The following CHN1 variants were observed in gnomAD, a reference collection of about 807,000 sequenced individuals.
The protein encoded by CHN1 is N-chimaerin.
Under a neutral mutation model 59.5 loss-of-function variants are expected in CHN1, and 37 were observed. The ratio of observed to expected loss-of-function variants is 0.62; its 90% CI spans 0.48 to 0.82. The LOEUF (loss-of-function observed/expected upper bound fraction) is 0.82. CHN1 is among the 40% of genes least tolerant of loss of function. CHN1 has a pLI of 0.00. For synonymous variants in CHN1, 206 were observed against 200.4 expected, an observed-to-expected ratio of 1.03 and a Z score of -0.24; for missense variants, 469 against 571.0, an observed-to-expected ratio of 0.82 and a Z score of 1.82.
chr2:174,986,702 A>G (rs1410157926), intron 1 of CHN1, among the ~76,000 whole-genome samples: 3 of 152,316 alleles, frequency 2.0e-5, no homozygotes, highest in East Asian at 1.9e-4. Context: ...AACGATCCAC[A>G]TATTTTCAAT....
chr2:174,893,321 G>A (rs1232036584), intron 5 of CHN1, among the ~76,000 whole-genome samples: 1 of 152,052 alleles, frequency 6.6e-6, no homozygotes, highest in Non-Finnish European at 1.5e-5. Flanking sequence ...TTTCTATGTA[G>A]TAACAATGAA....
At chr2:174,990,270 A>T (rs759886889) in intron 1 of CHN1, among the ~76,000 whole-genome samples, 27,926 of 114,428 alleles carry the variant, frequency 0.24, 3,479 homozygotes, top group Admixed American at 0.38. Context: ...TGTGAGAGAG[A>T]GAGAGAGAGA....
chr2:174,800,742 A>ATGGCTG (rs1684694533), intron 12 of CHN1, among the ~76,000 whole-genome samples: 1 of 35,460 alleles, frequency 2.8e-5, no homozygotes, highest in African/African-American at 1.9e-4. Flanking sequence ...GTAATAAGCA[A>ATGGCTG]TGGGTAGGCA....
intron 11 of CHN1, among the ~76,000 whole-genome samples, chr2:174,804,026 AG>A (rs1684810807): frequency 6.6e-6 from 1 of 152,226 alleles, no homozygotes; most frequent in African/African-American, 2.4e-5. Flanking sequence ...CTTGCTACTG[AG>A]GGTGACTGAC....
At position 174,952,278 on chromosome 2, in the gene CHN1, T is replaced by C. The variant is rs1690046479; in HGVS notation, c.20-76A>G. On this transcript the variant is annotated intron_variant, in intron 1 of 12. Coordinates refer to ENST00000409900, the MANE Select transcript of CHN1 (RefSeq NM_001822.7). Reference sequence around the variant, plus strand: ...GAGACATTTTAATCATTAACTCATTTAATATATATCTGTTGAGATCTATTT... The same window carrying C: ...GAGACATTTTAATCATTAACTCATTCAATATATATCTGTTGAGATCTATTT... 5.6e-6 allele frequency: 5 copies of C among 889,962 alleles called. 1 individual carries two copies. The Admixed American group carries it at 1.2e-4, about 21-fold the overall frequency. The allele number at this position is 889,962 out of a possible 1,614,324, so 55.1% of individuals were successfully genotyped here. A position where few individuals can be genotyped will look rare whatever the true frequency, so the allele number is the denominator to read the frequency against.
rs1045756431 is a variant in CHN1 at position 174,818,939 on chromosome 2, A to T, written c.712+5495T>A. On this transcript the variant is annotated intron_variant, in intron 8 of 12. Transcript: ENST00000409900. ...ATAACTTTATGTTAATAAGATTTGAAATTATAATCATTATTCTCTCTGAAT... is the reference window on the plus strand; with the variant it reads ...ATAACTTTATGTTAATAAGATTTGATATTATAATCATTATTCTCTCTGAAT... Among the ~76,000 whole-genome samples, 4 of 152,334 alleles carry T rather than the reference A, an allele frequency of 2.6e-5. No homozygotes were observed. The South Asian group carries it at 6.2e-4, about 24-fold the overall frequency.
intron 7 of CHN1, among the ~76,000 whole-genome samples, chr2:174,825,941 G>A (rs972938678): frequency 1.3e-5 from 2 of 152,122 alleles, no homozygotes; most frequent in African/African-American, 4.8e-5. Context: ...ACATTAAAAT[G>A]GAAAATAAAA....
chr2:174,988,248 A>T (rs1047436051), intron 1 of CHN1, among the ~76,000 whole-genome samples: 10 of 151,564 alleles, frequency 6.6e-5, no homozygotes, highest in South Asian at 4.2e-4. Context: ...TCCCAGCTAC[A>T]CGGGAGGCTG....
At chr2:174,886,992 C>T (rs1411668241) in intron 5 of CHN1, among the ~76,000 whole-genome samples, 1 of 152,110 alleles carries the variant, frequency 6.6e-6, no homozygotes, top group Non-Finnish European at 1.5e-5. Flanking sequence ...TGCAGTTTGG[C>T]GTTGTCCTAT....
chr2:174,983,406 A>G (rs1424741142), intron 1 of CHN1, among the ~76,000 whole-genome samples: 2 of 152,164 alleles, frequency 1.3e-5, no homozygotes, highest in Admixed American at 1.3e-4. Flanking sequence ...TTATCTTAAA[A>G]AGTGCTTGCC....
chr2:174,960,998 C>T (rs569425420), intron 1 of CHN1, among the ~76,000 whole-genome samples: 4 of 151,864 alleles, frequency 2.6e-5, no homozygotes, highest in East Asian at 1.9e-4. Flanking sequence ...TCAGGTGGCG[C>T]GTGACTGTAG....
intron 7 of CHN1, among the ~76,000 whole-genome samples, chr2:174,840,886 TA>T (rs1399328468): frequency 6.6e-6 from 1 of 151,990 alleles, no homozygotes; most frequent in Non-Finnish European, 1.5e-5. Flanking sequence ...TTAAAACATT[TA>T]AAAAAGATAT....
rs1686536004 is a variant in CHN1, at chr2:174,846,907, T to G, written c.600A>C (p.Pro200=). Residue 200 remains proline, a synonymous_variant, in exon 7 of 13, where the codon CCA becomes CCC. Coordinates refer to ENST00000409900, the MANE Select transcript of CHN1 (RefSeq NM_001822.7). ...RATLKENEQI[P]KYEKIHNFKV... is the part of the protein sequence containing the mutation. ...TGAAATTGTGAATCTTTTCATATTT[T>G]GGAATTTGCTCGTTTTCTTTCAGAG... is the stretch of plus-strand genomic sequence containing the variant. The G allele has an allele frequency of 6.4e-7, 1 of 1,551,916 alleles. No individual in the cohort carries two copies. The highest frequency in any genetic ancestry group is 2.0e-5 in the Admixed American group (1 of 51,004).
intron 3 of CHN1, among the ~76,000 whole-genome samples, chr2:174,932,435 G>A (rs971968992): frequency 3.9e-5 from 6 of 152,170 alleles, no homozygotes; most frequent in African/African-American, 9.6e-5. Context: ...TCAAATTGAC[G>A]TAAGTATCTA....
rs1684667684 is a variant in CHN1 at position 174,800,009 on chromosome 2, A to G, written c.*107T>C. ...AGTTCCTTCACTTTAATCTGGTTATATGCCCAAACCTCTAATCAAGAAATA... is the reference window on the plus strand; with the variant it reads ...AGTTCCTTCACTTTAATCTGGTTATGTGCCCAAACCTCTAATCAAGAAATA... On this transcript the variant is annotated 3_prime_UTR_variant, in exon 13 of 13. Transcript: ENST00000409900. The G allele has an allele frequency of 1.9e-6, 2 of 1,072,606 alleles. No individual in the cohort carries two copies. Among genetic ancestry groups the G allele is most frequent in the African/African-American group, 1.6e-5 (1 of 64,158 alleles). 66.4% of individuals were successfully genotyped at this position (1,072,606 alleles called of 1,614,324 possible).
intron 7 of CHN1, among the ~76,000 whole-genome samples, chr2:174,827,241 T>G (rs1427271065): frequency 6.6e-6 from 1 of 152,244 alleles, no homozygotes; most frequent in Non-Finnish European, 1.5e-5. Flanking sequence ...AAACAAATAC[T>G]GATTTTCATT....
chr2:174,941,141 GA>G (rs1162873123), intron 3 of CHN1, among the ~76,000 whole-genome samples: 1 of 151,904 alleles, frequency 6.6e-6, no homozygotes, highest in African/African-American at 2.4e-5. Flanking sequence ...TTGATGGTAG[GA>G]AACTTTCAAA....
chr2:174,805,042 T>C (rs1684844671), intron 11 of CHN1, among the ~76,000 whole-genome samples: 1 of 152,196 alleles, frequency 6.6e-6, no homozygotes, highest in Non-Finnish European at 1.5e-5. Context: ...AGAAGCATAA[T>C]TTAAGAGAGA....
At chr2:174,941,220 A>G (rs914557914) in intron 3 of CHN1, among the ~76,000 whole-genome samples, 6 of 152,112 alleles carry the variant, frequency 3.9e-5, no homozygotes, top group Admixed American at 2.0e-4. Context: ...CCAACACAAT[A>G]TGTTCCAGGA....
Sources: gnomAD v4.1 joint callset for allele counts (sites outside exome capture counted in the v4.1 genomes callset) on GRCh38, gnomAD v4.1.1 for gene constraint, MANE v1.5 for transcripts, NCBI Gene and HGNC (gene_info 2026-07-23, HGNC 2026-07-21) for gene names.